DENND10: variants seen among roughly 807,000 people sequenced by gnomAD.
The protein encoded by DENND10 is DENN domain-containing protein 10.
Under a neutral mutation model 43.6 loss-of-function variants are expected in DENND10, and 24 were observed. The observed-to-expected ratio is 0.55, with a 90% CI of 0.40 to 0.77. The LOEUF (loss-of-function observed/expected upper bound fraction) is 0.77. Ranked by LOEUF, DENND10 falls within the 30% of genes least tolerant of loss-of-function variation. The pLI is 0.00. For missense variants in DENND10, 303 were observed against 429.9 expected (o/e 0.70, Z 2.61); for synonymous variants, 125 against 157.6 (o/e 0.79, Z 1.55).
intron 7 of DENND10, among the ~76,000 whole-genome samples, chr10:119,131,921 G>A (rs1846104978): frequency 6.6e-6 from 1 of 152,188 alleles, no homozygotes. Context: ...TATAAAAATG[G>A]GCTCATCCTA....
intron 6 of DENND10, among the ~76,000 whole-genome samples, chr10:119,128,433 C>T (rs979951014): frequency 6.6e-6 from 1 of 151,834 alleles, no homozygotes; most frequent in African/African-American, 2.4e-5. Flanking sequence ...TATGGTGAAA[C>T]CCCGTCTCTA....
Position 119,106,943 on chromosome 10 carries a change from G to A in DENND10, c.56-1025G>A, listed in dbSNP as rs537200058. Among the ~76,000 whole-genome samples the A allele has an allele frequency of 1.5e-3, 231 of 152,176 alleles. 2 individuals are homozygous for A. The highest frequency in any genetic ancestry group is 5.3e-3 in the African/African-American group (221 of 41,542). On this transcript the variant is annotated intron_variant, in intron 1 of 8. Coordinates refer to ENST00000361432, the MANE Select transcript of DENND10 (RefSeq NM_207009.4). Reference sequence around the variant, plus strand: ...TGCATGCCTGTAACCCCAGCCACTCGGGAGGCTGAAGCAGGAGAATAGCTT... The same window carrying A: ...TGCATGCCTGTAACCCCAGCCACTCAGGAGGCTGAAGCAGGAGAATAGCTT...
At chr10:119,127,972 G>A (rs550613795) in intron 6 of DENND10, among the ~76,000 whole-genome samples, 14 of 152,080 alleles carry the variant, frequency 9.2e-5, no homozygotes, top group Middle Eastern at 6.8e-3. Flanking sequence ...AAAACTCTAG[G>A]AATGATAAAT....
intron 6 of DENND10, 106 bp downstream of exon 6, chr10:119,123,675 T>C (rs983646297): frequency 1.2e-6 from 1 of 851,786 alleles, no homozygotes; most frequent in African/African-American, 1.7e-5. Context: ...AATGGCACGA[T>C]CTTAGCTCAC....
intron 8 of DENND10, 144 bp from the exon 9 acceptor site, chr10:119,136,327 C>A: frequency 1.1e-6 from 1 of 905,236 alleles, no homozygotes; most frequent in Non-Finnish European, 1.6e-6. Flanking sequence ...TCCCAAAGTG[C>A]TGGGATTACA....
At chr10:119,113,221 G>T (rs1845064935) in intron 3 of DENND10, among the ~76,000 whole-genome samples, 1 of 141,710 alleles carries the variant, frequency 7.1e-6, no homozygotes, top group South Asian at 2.2e-4. Flanking sequence ...ACACGGTCTT[G>T]CTCTTTTGCC....
intron 5 of DENND10, among the ~76,000 whole-genome samples, chr10:119,121,227 T>C (rs932009756): frequency 1.3e-5 from 2 of 152,158 alleles, no homozygotes; most frequent in East Asian, 3.8e-4. Context: ...CCACCTGCCA[T>C]ACAGATTTTT....
chr10:119,132,700 G>A lies in DENND10; in HGVS notation c.897+91G>A. ...AGCTGTGCACATAAGCAGAGTGGGGGGCTGTGGTAGAGGCCAGCGGGCAGG... is the reference window on the plus strand; with the variant it reads ...AGCTGTGCACATAAGCAGAGTGGGGAGCTGTGGTAGAGGCCAGCGGGCAGG... On this transcript the variant is annotated intron_variant, in intron 8 of 8. Coordinates refer to ENST00000361432, the MANE Select transcript of DENND10 (RefSeq NM_207009.4). This position sits in a 1 kb window ranked among gnomAD's most constrained non-coding sequence, Gnocchi z 4.2. 2 of 1,059,768 alleles carry A rather than the reference G, an allele frequency of 1.9e-6. No individual in the cohort carries two copies. The highest frequency in any genetic ancestry group is 3.0e-6 in the Non-Finnish European group (2 of 677,620). 65.6% of individuals were successfully genotyped at this position (1,059,768 alleles called of 1,614,324 possible). A position where few individuals can be genotyped will look rare whatever the true frequency, so the allele number is the denominator to read the frequency against.
intron 5 of DENND10, 41 bp downstream of exon 5, chr10:119,120,493 A>G: frequency 3.1e-6 from 4 of 1,286,184 alleles, no homozygotes; most frequent in African/African-American, 1.5e-5. Context: ...CTTTGTTGGC[A>G]GACAGTTCGC....
intron 4 of DENND10, among the ~76,000 whole-genome samples, chr10:119,118,032 G>A: frequency 6.6e-6 from 1 of 151,742 alleles, no homozygotes; most frequent in East Asian, 1.9e-4. Context: ...AAATCCCCAA[G>A]CCAAAAACAG....
intron 8 of DENND10, chr10:119,134,829 A>T (rs1238716366): frequency 6.6e-6 from 1 of 152,232 alleles, no homozygotes; most frequent in African/African-American, 2.4e-5. Flanking sequence ...TTACCATATG[A>T]TTTAGCAATG....
intron 5 of DENND10, among the ~76,000 whole-genome samples, chr10:119,120,993 T>G (rs1845547918): frequency 6.6e-6 from 1 of 152,164 alleles, no homozygotes. Context: ...ATTTTCATTT[T>G]TAGTAGAGAT....
chr10:119,112,013 C>G, intron 3 of DENND10, 85 bp downstream of exon 3: 1 of 992,286 alleles, frequency 1.0e-6, no homozygotes. Context: ...ACTGAGAAAG[C>G]AAAGTTCAGC....
rs943453264 is a variant in DENND10, at chr10:119,108,171, T to G, written c.252+7T>G. ...TTCTTCCATTTTGAAAAAGGTATGA[T>G]TGCGTGAAGGTAAAAAAAAAACCCC... On this transcript the variant is annotated splice_region_variant and intron_variant, in intron 2 of 8. Transcript: ENST00000361432. 2 of 1,600,898 alleles carry G rather than the reference T, an allele frequency of 1.2e-6. No individual in the cohort carries two copies. The highest frequency in any genetic ancestry group is 3.4e-5 in the Admixed American group (2 of 59,320).
chr10:119,118,672 C>CA (rs1564788693), intron 4 of DENND10, among the ~76,000 whole-genome samples: 2 of 148,966 alleles, frequency 1.3e-5, no homozygotes, highest in Non-Finnish European at 3.0e-5. Flanking sequence ...AGTTAATAGA[C>CA]TTTTTTTTTT....
intron 2 of DENND10, among the ~76,000 whole-genome samples, chr10:119,109,157 G>A (rs900745688): frequency 6.6e-6 from 1 of 150,640 alleles, no homozygotes; most frequent in Non-Finnish European, 1.5e-5. Flanking sequence ...CAGAGGTTGT[G>A]GTGAGCTGTG....
chr10:119,131,877 G>A (rs998542240), intron 7 of DENND10, among the ~76,000 whole-genome samples: 6 of 152,182 alleles, frequency 3.9e-5, no homozygotes, highest in African/African-American at 1.2e-4. Context: ...AGAAAGGGTG[G>A]CCATCTTCCT....
chr10:119,107,953 A>G lies in DENND10; in HGVS notation c.56-15A>G, dbSNP rs996349251. On this transcript the variant is annotated splice_polypyrimidine_tract_variant and intron_variant, in intron 1 of 8. Transcript: ENST00000361432. ...GCTGTTTGACATTCTCACAGTGACC[A>G]TCTTTCCACCGTAGAAAAGGACACA... The G allele has an allele frequency of 4.3e-6, 7 of 1,612,884 alleles. No individual in the cohort carries two copies. In the African/African-American group the frequency reaches 5.3e-5, roughly 12 times the overall value.
At chr10:119,133,172 A>T (rs1846159107) in intron 8 of DENND10, 1 of 156,216 alleles carries the variant, frequency 6.4e-6, no homozygotes, top group Non-Finnish European at 1.4e-5. Flanking sequence ...GGGATGGCAA[A>T]TGGGTTTTAT....
Sources: allele counts gnomAD v4.1 joint callset (sites outside exome capture counted in the v4.1 genomes callset), GRCh38; gene constraint gnomAD v4.1.1; non-coding constraint Gnocchi (gnomAD v3.1); transcripts MANE v1.5; gene names NCBI Gene and HGNC (gene_info 2026-07-23, HGNC 2026-07-21).